Variants in C1D observed in about 807,000 individuals in gnomAD.
C1D encodes nuclear nucleic acid-binding protein C1D.
In C1D, 10 loss-of-function variants were observed where a neutral mutation model predicts 17.5. That is an observed-to-expected ratio of 0.57 (90% confidence interval 0.35 to 0.97). The LOEUF (loss-of-function observed/expected upper bound fraction) is 0.97, where lower values mean the gene tolerates loss of function less well. C1D is among the 50% of genes least tolerant of loss of function. C1D has a pLI of 0.01. For synonymous variants in C1D, 49 were observed against 54.0 expected, an observed-to-expected ratio of 0.91 and a Z score of 0.40; for missense variants, 136 against 160.1, an observed-to-expected ratio of 0.85 and a Z score of 0.81.
chr2:68,046,843 A>T (rs1371952967), intron 2 of C1D, among the ~76,000 whole-genome samples: 1 of 152,180 alleles, frequency 6.6e-6, no homozygotes, highest in Non-Finnish European at 1.5e-5. Context: ...GTCAAAGTCA[A>T]TTTACTGTTT....
At chr2:68,053,311 C>T (rs1358011904) in intron 1 of C1D, 4 of 1,193,962 alleles carry the variant, frequency 3.4e-6, no homozygotes, top group South Asian at 3.2e-5. Context: ...GCCAAAGTAC[C>T]GATAGGAGAA....
chr2:68,048,413 T>C (rs1671195605), intron 1 of C1D, among the ~76,000 whole-genome samples: 1 of 152,198 alleles, frequency 6.6e-6, no homozygotes, highest in Non-Finnish European at 1.5e-5. Context: ...TCACTGACTT[T>C]GTCACCTGAG....
rs1671419893 is a variant in C1D at position 68,055,711 on chromosome 2, G to A, written c.-10+7247C>T. ...TACAGTTATATAAGAAAATTTCCCT[G>A]TCTTTTGAGGATGCACACTGAAGTA... On this transcript the variant is annotated intron_variant, in intron 1 of 4. Coordinates refer to ENST00000410067, the MANE Select transcript of C1D (RefSeq NM_173177.3). Among the ~76,000 whole-genome samples, 3 of 152,084 alleles carry A rather than the reference G, an allele frequency of 2.0e-5. No individual in the cohort carries two copies. In the South Asian group the frequency reaches 6.2e-4, roughly 31 times the overall value.
At chr2:68,046,083 A>T in intron 3 of C1D, 40 bp from the exon 4 acceptor site, 8 of 1,347,542 alleles carry the variant, frequency 5.9e-6, no homozygotes, top group Non-Finnish European at 8.3e-6. Flanking sequence ...TGGTGAATGT[A>T]TTAATTTAAA....
chr2:68,047,347 A>G lies in C1D; in HGVS notation c.-9-28T>C, dbSNP rs201933185. The G allele has an allele frequency of 9.0e-5, 142 of 1,579,026 alleles. No homozygotes were observed. The African/African-American group carries it at 1.7e-3, about 19-fold the overall frequency. On this transcript the variant is annotated intron_variant, in intron 1 of 4. Transcript: ENST00000410067. ...GGAAAAAATTAAATTCTTTGAATTC[A>G]TATTAGAGACAGAGCTTGTTCTTTA...
intron 1 of C1D, among the ~76,000 whole-genome samples, chr2:68,054,119 A>G (rs1671364449): frequency 6.6e-6 from 1 of 152,152 alleles, no homozygotes; most frequent in African/African-American, 2.4e-5. Context: ...CAATTTGCCC[A>G]AGACAGTTCC....
intron 4 of C1D, among the ~76,000 whole-genome samples, chr2:68,044,346 C>T (rs1426243015): frequency 1.3e-5 from 2 of 152,210 alleles, no homozygotes; most frequent in Non-Finnish European, 2.9e-5. Context: ...AGTAAACTGA[C>T]TTTTCCCATT....
intron 4 of C1D, among the ~76,000 whole-genome samples, chr2:68,043,545 G>C (rs1671031406): frequency 6.6e-6 from 1 of 152,098 alleles, no homozygotes. Context: ...AACAATTAGG[G>C]AGAATGAAAA....
intron 4 of C1D, among the ~76,000 whole-genome samples, chr2:68,045,455 C>G (rs1671092916): frequency 6.6e-6 from 1 of 152,076 alleles, no homozygotes; most frequent in Non-Finnish European, 1.5e-5. Flanking sequence ...AAATGGAATA[C>G]AAAGACAAAC....
chr2:68,049,222 G>T (rs1671215255), intron 1 of C1D, among the ~76,000 whole-genome samples: 1 of 151,022 alleles, frequency 6.6e-6, no homozygotes, highest in Non-Finnish European at 1.5e-5. Context: ...AGAGCAAATG[G>T]GATCAGACTG....
intron 1 of C1D, among the ~76,000 whole-genome samples, chr2:68,049,170 C>G (rs1161438291): frequency 6.7e-6 from 1 of 150,116 alleles, no homozygotes; most frequent in African/African-American, 2.5e-5. Context: ...ACACTTCAGC[C>G]TGGGCAACAG....
chr2:68,059,349 C>A (rs1671550941), intron 1 of C1D, among the ~76,000 whole-genome samples: 1 of 152,142 alleles, frequency 6.6e-6, no homozygotes. Context: ...TTGGAGGAGA[C>A]ACATACCCAA....
intron 1 of C1D, among the ~76,000 whole-genome samples, chr2:68,059,914 C>G (rs1646127338): frequency 6.6e-6 from 1 of 152,166 alleles, no homozygotes; most frequent in Admixed American, 6.5e-5. Context: ...CGTCTGTTTC[C>G]AGCAATGACC....
chr2:68,052,146 G>C (rs1347203074), intron 1 of C1D, among the ~76,000 whole-genome samples: 1 of 137,652 alleles, frequency 7.3e-6, no homozygotes, highest in African/African-American at 2.5e-5. Flanking sequence ...GAAGGAAAAA[G>C]TCAGAGAACA....
intron 1 of C1D, among the ~76,000 whole-genome samples, chr2:68,056,093 A>T (rs1455691593): frequency 6.6e-6 from 1 of 152,178 alleles, no homozygotes; most frequent in Non-Finnish European, 1.5e-5. Context: ...CAAAAGGCTC[A>T]CATTCTAGAG....
intron 1 of C1D, among the ~76,000 whole-genome samples, chr2:68,058,854 AT>A (rs2103816986): frequency 6.6e-6 from 1 of 152,298 alleles, no homozygotes; most frequent in East Asian, 1.9e-4. Flanking sequence ...GCTACCGAAC[AT>A]GGGGCATTAG....
rs777092200 is a variant in C1D at position 68,047,278 on chromosome 2, T to C, written c.33A>G (p.Pro11=). 6 of 1,611,692 alleles carry C rather than the reference T, an allele frequency of 3.7e-6. No individual in the cohort carries two copies. The highest frequency in any genetic ancestry group is 1.7e-5 in the Admixed American group (1 of 59,672). The part of the protein sequence containing the change: MAGEEINEDY[P]VEIHEYLSAF... ...CTGACAAATACTCGTGAATTTCTACTGGATAGTCTTCATTAATTTCTTCAC... is the reference window on the plus strand; with the variant it reads ...CTGACAAATACTCGTGAATTTCTACCGGATAGTCTTCATTAATTTCTTCAC... The change falls in exon 2 of 5, where the codon CCA becomes CCG. Residue 11 remains proline, a synonymous_variant. Coordinates refer to ENST00000410067, the MANE Select transcript of C1D (RefSeq NM_173177.3).
chr2:68,053,067 C>T (rs1331620357), intron 1 of C1D: 1 of 1,550,592 alleles, frequency 6.4e-7, no homozygotes, highest in Non-Finnish European at 8.7e-7. Context: ...TCACCCAGCT[C>T]TGCTCCTCAC....
chr2:68,051,970 G>T (rs1252093289), intron 1 of C1D, among the ~76,000 whole-genome samples: 1 of 151,840 alleles, frequency 6.6e-6, no homozygotes, highest in Non-Finnish European at 1.5e-5. Flanking sequence ...AGCACTGCCT[G>T]ACAGTCAATA....
Sources: gnomAD v4.1 joint callset for allele counts (sites outside exome capture counted in the v4.1 genomes callset) on GRCh38, gnomAD v4.1.1 for gene constraint, MANE v1.5 for transcripts, NCBI Gene and HGNC (gene_info 2026-07-23, HGNC 2026-07-21) for gene names.